NIBAN1: variants seen among roughly 807,000 people sequenced by gnomAD.
NIBAN1 encodes the protein protein Niban 1.
NIBAN1 carries 81 observed loss-of-function variants against 75.1 expected under a neutral mutation model. That is an observed-to-expected ratio of 1.08 (90% CI 0.90 to 1.30). NIBAN1 has a LOEUF of 1.30. NIBAN1 is among the 50% of genes most tolerant of loss of function. The pLI, the probability that NIBAN1 is intolerant of heterozygous loss-of-function variation, is 0.00. For synonymous variants in NIBAN1, 436 were observed against 424.8 expected (o/e 1.03, Z -0.32); for missense variants, 1,133 against 1,128.1 (o/e 1.00, Z -0.06).
intron 5 of NIBAN1, among the ~76,000 whole-genome samples, chr1:184,863,795 C>CA (rs1435681142): frequency 2.6e-5 from 4 of 152,164 alleles, no homozygotes. Context: ...TCTAGGTATT[C>CA]ATTGGTTTAA....
chr1:184,869,515 T>C (rs1656042448), intron 5 of NIBAN1, among the ~76,000 whole-genome samples: 1 of 152,106 alleles, frequency 6.6e-6, no homozygotes, highest in Non-Finnish European at 1.5e-5. Context: ...AAGCACATTG[T>C]GACCATTCAC....
chr1:184,928,415 A>G (rs1462430812), intron 1 of NIBAN1, among the ~76,000 whole-genome samples: 1 of 152,182 alleles, frequency 6.6e-6, no homozygotes, highest in Non-Finnish European at 1.5e-5. Context: ...CAGCACCAGG[A>G]CTTGCCTAGG....
intron 3 of NIBAN1, among the ~76,000 whole-genome samples, chr1:184,893,200 C>T (rs1290872267): frequency 6.6e-6 from 1 of 152,112 alleles, no homozygotes; most frequent in Non-Finnish European, 1.5e-5. Flanking sequence ...AAAATGTGTA[C>T]AGTATGAGAT....
At chr1:184,913,789 T>C (rs1657309751) in intron 1 of NIBAN1, among the ~76,000 whole-genome samples, 1 of 152,186 alleles carries the variant, frequency 6.6e-6, no homozygotes, top group Non-Finnish European at 1.5e-5. Flanking sequence ...ATTTCCACAC[T>C]GCGAAAAGGA....
chr1:184,939,527 T>C (rs1043411233), intron 1 of NIBAN1, among the ~76,000 whole-genome samples: 1 of 152,200 alleles, frequency 6.6e-6, no homozygotes, highest in Non-Finnish European at 1.5e-5. Flanking sequence ...TTTAGTTCCC[T>C]TTCTGGAATT....
At chr1:184,826,330 T>C (rs1166346011) in intron 6 of NIBAN1, among the ~76,000 whole-genome samples, 1 of 152,184 alleles carries the variant, frequency 6.6e-6, no homozygotes, top group African/African-American at 2.4e-5. Context: ...CCATTTTCTG[T>C]GGTGTTTAAG....
chr1:184,938,854 T>C (rs1658023704), intron 1 of NIBAN1, among the ~76,000 whole-genome samples: 1 of 152,232 alleles, frequency 6.6e-6, no homozygotes, highest in South Asian at 2.1e-4. Flanking sequence ...AAAGATTGTA[T>C]TACTAGGGCT....
At position 184,793,290 on chromosome 1, in the gene NIBAN1, C is replaced by T. The variant is rs1345957479; in HGVS notation, c.*1687G>A. 1.3e-5 allele frequency: 2 copies of T among 152,096 alleles called. No individual in the cohort carries two copies. Among genetic ancestry groups the T allele is most frequent in the South Asian group, 2.1e-4 (1 of 4,822 alleles). The allele number at this position is 152,096 out of a possible 1,614,324, so 9.4% of individuals were successfully genotyped here. A position where few individuals can be genotyped will look rare whatever the true frequency, so the allele number is the denominator to read the frequency against. On this transcript the variant is annotated 3_prime_UTR_variant, in exon 14 of 14. Transcript: ENST00000367511. ...TAAAATTTGGGGAGGGGCCAGGTAG[C>T]TCACGCTGTAATCCCAGCACTTTGG...
chr1:184,964,612 A>C (rs1658731740), intron 1 of NIBAN1, among the ~76,000 whole-genome samples: 1 of 152,330 alleles, frequency 6.6e-6, no homozygotes, highest in East Asian at 1.9e-4. Flanking sequence ...ATGTGAGCTC[A>C]TGCATGCAAT....
At chr1:184,917,311 T>C (rs906501816) in intron 1 of NIBAN1, among the ~76,000 whole-genome samples, 36 of 151,032 alleles carry the variant, frequency 2.4e-4, no homozygotes, top group Admixed American at 1.3e-4. Context: ...TTCATGCCAT[T>C]CTGCCTCAGC....
intron 5 of NIBAN1, among the ~76,000 whole-genome samples, chr1:184,872,953 A>C (rs537269572): frequency 6.6e-6 from 1 of 152,338 alleles, no homozygotes; most frequent in South Asian, 2.1e-4. Context: ...AAGACAAAAA[A>C]AGATGTTTTT....
chr1:184,855,922 C>A (rs1304251499), intron 5 of NIBAN1, among the ~76,000 whole-genome samples: 4 of 152,080 alleles, frequency 2.6e-5, no homozygotes, highest in Admixed American at 2.0e-4. Context: ...ATGTTTCTAG[C>A]CGATTGGTAA....
chr1:184,935,673 C>T (rs1657937353), intron 1 of NIBAN1, among the ~76,000 whole-genome samples: 1 of 151,904 alleles, frequency 6.6e-6, no homozygotes, highest in African/African-American at 2.4e-5. Context: ...TTCAGACTGG[C>T]TTGATCAAGC....
intron 1 of NIBAN1, among the ~76,000 whole-genome samples, chr1:184,900,690 G>C (rs980401467): frequency 6.6e-6 from 1 of 152,146 alleles, no homozygotes; most frequent in Non-Finnish European, 1.5e-5. Flanking sequence ...AGGAGGAATA[G>C]AGGGGAAAGG....
chr1:184,823,791 T>A, intron 6 of NIBAN1, 49 bp from the exon 7 acceptor site: 1 of 1,516,926 alleles, frequency 6.6e-7, no homozygotes, highest in Non-Finnish European at 9.2e-7. Context: ...GATGGCTACA[T>A]CTGAGCATCA....
At chr1:184,831,104 T>A (rs1030562205) in intron 6 of NIBAN1, among the ~76,000 whole-genome samples, 1 of 152,124 alleles carries the variant, frequency 6.6e-6, no homozygotes, top group Non-Finnish European at 1.5e-5. Context: ...GGTGTCATCA[T>A]GGAGGCTGGG....
At chr1:184,872,519 A>G (rs902577740) in intron 5 of NIBAN1, among the ~76,000 whole-genome samples, 13 of 152,184 alleles carry the variant, frequency 8.5e-5, no homozygotes, top group Non-Finnish European at 1.8e-4. Context: ...CAGCCTGACC[A>G]ACATGGTGAA....
intron 1 of NIBAN1, among the ~76,000 whole-genome samples, chr1:184,920,497 G>C (rs1280243600): frequency 2.0e-5 from 3 of 151,960 alleles, no homozygotes; most frequent in African/African-American, 7.3e-5. Context: ...ATTCTTCCTG[G>C]TTATAATTTG....
In NIBAN1 at chr1:184,827,953, G is replaced by GTTTTT. The variant is rs1174066517; in HGVS notation, c.717+3889_717+3893dup. Among the ~76,000 whole-genome samples, 647 of 98,120 alleles carry GTTTTT rather than the reference G, an allele frequency of 6.6e-3. 52 individuals carry two copies. The highest frequency in any genetic ancestry group is 0.011 in the Non-Finnish European group (463 of 42,700). The allele number at this position is 98,120 out of a possible 152,430, so 64.4% of individuals were successfully genotyped here. A position where few individuals can be genotyped will look rare whatever the true frequency, so the allele number is the denominator to read the frequency against. On this transcript the variant is annotated intron_variant, in intron 6 of 13. Coordinates refer to ENST00000367511, the MANE Select transcript of NIBAN1 (RefSeq NM_052966.4). ...AAGGCCTAAAAATGCGGGTAGTTTT[G>GTTTTT]TTTTTTGTTTTTTTTTTTTTTTTCC... is the stretch of plus-strand genomic sequence containing the variant.
Sources: allele counts gnomAD v4.1 joint callset (sites outside exome capture counted in the v4.1 genomes callset), GRCh38; gene constraint gnomAD v4.1.1; transcripts MANE v1.5; gene names NCBI Gene and HGNC (gene_info 2026-07-23, HGNC 2026-07-21).